GIPC2: variants seen among roughly 807,000 people sequenced by gnomAD.
GIPC2 encodes the protein GIPC PDZ domain containing family member 2.
In GIPC2, 30 loss-of-function variants were observed where a neutral mutation model predicts 30.6. The observed-to-expected ratio is 0.98, with a 90% CI of 0.73 to 1.33. The LOEUF (loss-of-function observed/expected upper bound fraction) is 1.33. Among genes scored for constraint, GIPC2 ranks in the 40% most tolerant of loss-of-function variants. GIPC2 has a pLI of 0.00. For missense variants in GIPC2, 414 were observed against 390.3 expected (o/e 1.06, Z -0.51); for synonymous variants, 167 against 150.0 (o/e 1.11, Z -0.83).
chr1:78,088,199 C>T lies in GIPC2; in HGVS notation c.427-6753C>T, dbSNP rs146761289. Among the ~76,000 whole-genome samples the T allele has an allele frequency of 5.6e-4, 86 of 152,260 alleles. No homozygotes were observed. The East Asian group carries it at 0.01, about 18-fold the overall frequency. ...CATTGTGGAAAACCGTATGGCAATTCGTCAGCTAAAAGCAGAACTACCATT... is the reference window on the plus strand; with the variant it reads ...CATTGTGGAAAACCGTATGGCAATTTGTCAGCTAAAAGCAGAACTACCATT... On this transcript the variant is annotated intron_variant, in intron 2 of 5. Transcript: ENST00000370759.
rs1362982438 is a variant in GIPC2, at chr1:78,046,252, C to T, written c.158C>T (p.Ala53Val). 4 of 1,610,398 alleles carry T rather than the reference C, an allele frequency of 2.5e-6. No individual in the cohort carries two copies. Among genetic ancestry groups the T allele is most frequent in the Non-Finnish European group, 1.7e-6 (2 of 1,178,954 alleles). Residue 53 changes from alanine (A) to valine (V), a missense_variant, in exon 1 of 6, where the codon GCC becomes GTC. Coordinates refer to ENST00000370759, the MANE Select transcript of GIPC2 (RefSeq NM_017655.6). ...CACGCGCAGCTGGCGCACGGTAGTG[C>T]CACGGGCCGAGTGGAGGGCTTCTCC... ...VFHAQLAHGS[A>V]TGRVEGFSSI...
At chr1:78,059,019 C>A (rs937393161) in intron 1 of GIPC2, among the ~76,000 whole-genome samples, 6 of 152,146 alleles carry the variant, frequency 3.9e-5, no homozygotes, top group African/African-American at 1.4e-4. Context: ...CCTCACTATC[C>A]AACTTTGGGC....
At chr1:78,045,594 T>G (rs1353518663), upstream of GIPC2, 1 of 985,458 alleles carries the variant, frequency 1.0e-6, no homozygotes, top group African/African-American at 1.7e-5. Flanking sequence ...CTTCCAATTC[T>G]GCCCTGCAGA....
intron 2 of GIPC2, chr1:78,091,525 G>GCCGT (rs1662038435): frequency 1.4e-6 from 1 of 740,612 alleles, no homozygotes; most frequent in Non-Finnish European, 2.5e-6. Flanking sequence ...GCTCCAAACA[G>GCCGT]CCGTCCGAGG....
intron 3 of GIPC2, among the ~76,000 whole-genome samples, chr1:78,100,074 T>G (rs1489984397): frequency 6.6e-6 from 1 of 152,178 alleles, no homozygotes; most frequent in Non-Finnish European, 1.5e-5. Context: ...TGGAGACTGT[T>G]AGATAAAGGG....
chr1:78,120,620 T>G (rs1662662572), intron 4 of GIPC2, among the ~76,000 whole-genome samples: 1 of 152,274 alleles, frequency 6.6e-6, no homozygotes. Flanking sequence ...GTTCCACATG[T>G]CTGGGGAGGC....
intron 3 of GIPC2, among the ~76,000 whole-genome samples, chr1:78,105,081 T>C (rs1662319346): frequency 6.6e-6 from 1 of 152,166 alleles, no homozygotes; most frequent in Non-Finnish European, 1.5e-5. Flanking sequence ...ATTGATAAAT[T>C]GGTTTTCAAG....
At chr1:78,119,561 T>G in intron 4 of GIPC2, 62 bp downstream of exon 4, 1 of 1,013,702 alleles carries the variant, frequency 9.9e-7, no homozygotes, top group Non-Finnish European at 1.5e-6. Context: ...AAAATTCCAT[T>G]CATTCTAACC....
intron 2 of GIPC2, among the ~76,000 whole-genome samples, chr1:78,093,658 G>C (rs1433831278): frequency 6.6e-6 from 1 of 152,084 alleles, no homozygotes; most frequent in Non-Finnish European, 1.5e-5. Flanking sequence ...CTAGCTCTTG[G>C]ACACAATGAT....
intron 2 of GIPC2, among the ~76,000 whole-genome samples, chr1:78,081,533 A>G (rs1054257143): frequency 1.3e-5 from 2 of 152,180 alleles, no homozygotes; most frequent in African/African-American, 2.4e-5. Context: ...CAGGGACTTG[A>G]ACATCAGTGG....
chr1:78,076,872 G>T (rs933364346), intron 1 of GIPC2, among the ~76,000 whole-genome samples: 2 of 152,010 alleles, frequency 1.3e-5, no homozygotes, highest in South Asian at 2.1e-4. Flanking sequence ...GGGTTCAAGC[G>T]ATTCTCCTGC....
chr1:78,046,145 C>T lies in GIPC2; in HGVS notation c.51C>T (p.Ala17=), dbSNP rs1449288126. ...AGAAGGCCAAGTCCAAGGAGACCGC[C>T]GGGCTGGTGGAGGGCGAGCCGACGG... ...GKKKAKSKET[A]GLVEGEPTGA... Residue 17 remains alanine, a synonymous_variant, in exon 1 of 6, where the codon GCC becomes GCT. Transcript: ENST00000370759. 3.9e-6 allele frequency: 6 copies of T among 1,537,380 alleles called. No homozygotes were observed. The highest frequency in any genetic ancestry group is 1.9e-4 in the Middle Eastern group (1 of 5,214).
intron 1 of GIPC2, among the ~76,000 whole-genome samples, chr1:78,059,319 A>T (rs1322779106): frequency 1.3e-5 from 2 of 152,248 alleles, no homozygotes; most frequent in Admixed American, 6.5e-5. Flanking sequence ...TGTGCATTCA[A>T]TTAAAAATAT....
intron 3 of GIPC2, among the ~76,000 whole-genome samples, chr1:78,096,976 T>C (rs1234644871): frequency 6.6e-6 from 1 of 152,172 alleles, no homozygotes; most frequent in Non-Finnish European, 1.5e-5. Context: ...GGGGTTTCTT[T>C]CTTAAAAGTA....
Position 78,135,735 on chromosome 1 carries a change from G to A in GIPC2, c.940G>A (p.Gly314Arg), listed in dbSNP as rs1662989960. 2 of 1,613,180 alleles carry A rather than the reference G, an allele frequency of 1.2e-6. No homozygotes were observed. The highest frequency in any genetic ancestry group is 2.2e-5 in the East Asian group (1 of 44,858). ...AGTCATTGGTGATGCCAAACGAAGA[G>A]GATTATGATGTGTACACTCCATCTC... is the stretch of plus-strand genomic sequence containing the variant. ...WGVIGDAKRR[G>R]L is the part of the protein sequence containing the mutation. The change falls in exon 6 of 6, where the codon GGA becomes AGA. Residue 314 changes from glycine to arginine, a missense_variant. Gly to Arg is a moderately radical substitution (Grantham distance 125, BLOSUM62 -2). Transcript: ENST00000370759.
At chr1:78,090,976 C>A (rs1557539206) in intron 2 of GIPC2, among the ~76,000 whole-genome samples, 1 of 151,064 alleles carries the variant, frequency 6.6e-6, no homozygotes, top group East Asian at 1.9e-4. Context: ...ATAAGGCTGT[C>A]AAAAAAAAAT....
At chr1:78,064,659 CT>C (rs951269179) in intron 1 of GIPC2, among the ~76,000 whole-genome samples, 3 of 149,208 alleles carry the variant, frequency 2.0e-5, no homozygotes, top group African/African-American at 7.4e-5. Flanking sequence ...TAGGATCCAT[CT>C]TTTTAAAAAT....
intron 3 of GIPC2, among the ~76,000 whole-genome samples, chr1:78,107,918 A>G (rs1403509999): frequency 1.3e-5 from 2 of 151,510 alleles, no homozygotes; most frequent in Non-Finnish European, 2.9e-5. Flanking sequence ...TACAGTTTTC[A>G]ACTATATGAT....
At chr1:78,095,153 C>T (rs767107471) in intron 3 of GIPC2, 21 bp downstream of exon 3, 29 of 1,570,250 alleles carry the variant, frequency 1.8e-5, no homozygotes, top group Admixed American at 8.5e-5. Context: ...GGTTGGTGGG[C>T]GGGTGTGTGA....
Sources: gnomAD v4.1 joint callset for allele counts (sites outside exome capture counted in the v4.1 genomes callset) on GRCh38, gnomAD v4.1.1 for gene constraint, MANE v1.5 for transcripts, NCBI Gene and HGNC (gene_info 2026-07-23, HGNC 2026-07-21) for gene names.